OTUD5: variants seen among roughly 807,000 people sequenced by gnomAD.
The protein encoded by OTUD5 is OTU deubiquitinase 5, also known as OTU domain-containing protein 5.
In OTUD5, 2 loss-of-function variants were observed where a neutral mutation model predicts 36.3. The observed-to-expected ratio is 0.06, with a 90% confidence interval of 0.02 to 0.17. The LOEUF (loss-of-function observed/expected upper bound fraction) is 0.17, where lower values mean the gene tolerates loss of function less well. Ranked by LOEUF, OTUD5 falls within the 10% of genes least tolerant of loss-of-function variation. OTUD5 has a pLI of 1.00. For synonymous variants in OTUD5, 234 were observed against 214.9 expected (o/e 1.09, Z -0.78); for missense variants, 233 against 512.3 (o/e 0.45, Z 5.26).
At chrX:48,943,681 C>T (rs1436787191) in intron 2 of OTUD5, among the ~76,000 whole-genome samples, 1 of 111,362 alleles carries the variant, frequency 9.0e-6, no homozygotes, top group Non-Finnish European at 1.9e-5. Flanking sequence ...AACAGAGACC[C>T]GCAACACACC....
intron 1 of OTUD5, among the ~76,000 whole-genome samples, chrX:48,950,242 G>A (rs1419047398): frequency 9.0e-6 from 1 of 111,165 alleles, no homozygotes; most frequent in African/African-American, 3.3e-5. Flanking sequence ...TATCAGGTAG[G>A]ACCTAAATGC....
At chrX:48,935,592 C>T in intron 2 of OTUD5, among the ~76,000 whole-genome samples, 1 of 111,199 alleles carries the variant, frequency 9.0e-6, no homozygotes, top group African/African-American at 3.3e-5. Flanking sequence ...TGACCAGAGG[C>T]AAGTGACCCA....
Position 48,923,873 on chromosome X carries a change from T to C in OTUD5, c.1443A>G (p.Lys481=), listed in dbSNP as rs782106753. ...GACCTGGCGCACAGGGCGAAGGAGG[T>C]TTGGCAAGAGCTAAAACAGTGCCTG... ...PSPGTVLALA[K]PPSPCAPGTS... The change falls in exon 7 of 9, where the codon AAA becomes AAG. Residue 481 remains lysine, a synonymous_variant. Coordinates refer to ENST00000376488, the MANE Select transcript of OTUD5 (RefSeq NM_001136157.2). The C allele has an allele frequency of 9.1e-6, 11 of 1,210,088 alleles. No individual in the cohort carries two copies. The highest frequency in any genetic ancestry group is 8.7e-5 in the African/African-American group (5 of 57,245).
chrX:48,929,260 T>C (rs2063714701), intron 5 of OTUD5, among the ~76,000 whole-genome samples: 2 of 109,518 alleles, frequency 1.8e-5, no homozygotes, highest in Admixed American at 2.0e-4. Flanking sequence ...TGGTGGCGCG[T>C]GCCTGTAATC....
In OTUD5 at chrX:48,949,664, C is replaced by T. The variant is rs189866839; in HGVS notation, c.595-5381G>A. ...CTGCACTCCAGCCTGGGTGACACAGCGAGACTCCATCTCAAAAACAAATAA... is the reference window on the plus strand; with the variant it reads ...CTGCACTCCAGCCTGGGTGACACAGTGAGACTCCATCTCAAAAACAAATAA... On this transcript the variant is annotated intron_variant, in intron 1 of 8. Transcript: ENST00000376488. Among the ~76,000 whole-genome samples the T allele has an allele frequency of 2.6e-3, 275 of 107,805 alleles. 1 individual carries two copies. The highest frequency in any genetic ancestry group is 9.1e-3 in the African/African-American group (267 of 29,500). The allele number at this position is 107,805 out of a possible 115,157, so 93.6% of individuals were successfully genotyped here. A position where few individuals can be genotyped will look rare whatever the true frequency, so the allele number is the denominator to read the frequency against.
At chrX:48,953,364 A>G (rs1417735657) in intron 1 of OTUD5, among the ~76,000 whole-genome samples, 1 of 111,707 alleles carries the variant, frequency 9.0e-6, no homozygotes, top group East Asian at 2.8e-4. Flanking sequence ...GGAGCCAGGA[A>G]GAGAGGGGAG....
chrX:48,937,369 A>G (rs1319305141), intron 2 of OTUD5, among the ~76,000 whole-genome samples: 1 of 112,170 alleles, frequency 8.9e-6, no homozygotes, highest in African/African-American at 3.2e-5. Context: ...AAAGATGAGA[A>G]TGAAGGGGTT....
intron 1 of OTUD5, among the ~76,000 whole-genome samples, chrX:48,947,618 G>A (rs150913829): frequency 0.033 from 3,541 of 108,426 alleles, 154 homozygotes; most frequent in African/African-American, 0.11. Context: ...CAGGAGAATC[G>A]CTTGAACCCG....
chrX:48,929,653 A>ACT (rs1332984329), intron 5 of OTUD5, among the ~76,000 whole-genome samples: 1 of 107,618 alleles, frequency 9.3e-6, no homozygotes, highest in East Asian at 3.0e-4. Flanking sequence ...CCCAGGAGGT[A>ACT]GAGGCTGCGG....
rs61325018 is a variant in OTUD5 at position 48,942,299 on chromosome X, T to TACACACACACAC, written c.688+1879_688+1890dup. The stretch of plus-strand genomic sequence containing the variant: ...CACACACAGAGAACAGCTAGCTAGA[T>TACACACACACAC]ACACACACACACACACACACACACA... On this transcript the variant is annotated intron_variant, in intron 2 of 8. Coordinates refer to ENST00000376488, the MANE Select transcript of OTUD5 (RefSeq NM_001136157.2). Among the ~76,000 whole-genome samples the TACACACACACAC allele has an allele frequency of 7.8e-3, 430 of 55,012 alleles. 6 individuals are homozygous for TACACACACACAC. The highest frequency in any genetic ancestry group is 0.015 in the East Asian group (22 of 1,472). The allele number at this position is 55,012 out of a possible 115,157, so 47.8% of individuals were successfully genotyped here. A position where few individuals can be genotyped will look rare whatever the true frequency, so the allele number is the denominator to read the frequency against.
chrX:48,938,283 C>T (rs1259600069), intron 2 of OTUD5, among the ~76,000 whole-genome samples: 2 of 111,355 alleles, frequency 1.8e-5, no homozygotes, highest in Non-Finnish European at 3.8e-5. Context: ...ATCTCCAAAC[C>T]AAGGAAAACA....
Position 48,957,466 on chromosome X carries a change from A to G in OTUD5, c.105T>C (p.Gly35=). 1 of 892,919 alleles carries G rather than the reference A, an allele frequency of 1.1e-6. No individual in the cohort carries two copies. Among genetic ancestry groups the G allele is most frequent in the Non-Finnish European group, 1.4e-6 (1 of 724,507 alleles). 73.6% of individuals were successfully genotyped at this position (892,919 alleles called of 1,213,427 possible). A position where few individuals can be genotyped will look rare whatever the true frequency, so the allele number is the denominator to read the frequency against. The change falls in exon 1 of 9, where the codon GGT becomes GGC. Residue 35 remains glycine, a synonymous_variant. Transcript: ENST00000376488. The part of the protein sequence containing the change: ...PMPPAPRRGG[G]VGVGGGGTGV... Reference sequence around the variant, plus strand: ...CCGTGCCGCCGCCGCCCACGCCCACACCTCCGCCGCGCCGCGGCGCCGGGG... The same window carrying G: ...CCGTGCCGCCGCCGCCCACGCCCACGCCTCCGCCGCGCCGCGGCGCCGGGG...
chrX:48,923,522 T>C (rs2063614713), intron 8 of OTUD5, 111 bp downstream of exon 8: 3 of 628,045 alleles, frequency 4.8e-6, no homozygotes, highest in Non-Finnish European at 7.5e-6. Context: ...CTCCCTTCTT[T>C]TCTTGGGGAG....
chrX:48,944,952 G>GTAAGAGGTTGCGGTGAGC (rs2063997200), intron 1 of OTUD5, among the ~76,000 whole-genome samples: 1 of 109,877 alleles, frequency 9.1e-6, no homozygotes, highest in South Asian at 3.9e-4. Context: ...AACCCAGGAG[G>GTAAGAGGTTGCGGTGAGC]TAAGAGGTTG....
chrX:48,956,967 C>A lies in OTUD5; in HGVS notation c.594+10G>T. The A allele has an allele frequency of 1.7e-6, 2 of 1,148,885 alleles. No homozygotes were observed. 94.7% of individuals were successfully genotyped at this position (1,148,885 alleles called of 1,213,427 possible). On this transcript the variant is annotated intron_variant, in intron 1 of 8. Transcript: ENST00000376488. ...CCGTGGCCGCTCACCCCTCACCCCACAGCTCTTACCTGCTCGACAGTGGCA... is the reference window on the plus strand; with the variant it reads ...CCGTGGCCGCTCACCCCTCACCCCAAAGCTCTTACCTGCTCGACAGTGGCA...
intron 1 of OTUD5, among the ~76,000 whole-genome samples, chrX:48,945,727 G>C (rs1473670388): frequency 1.8e-5 from 2 of 111,001 alleles, no homozygotes; most frequent in Non-Finnish European, 3.8e-5. Flanking sequence ...GAGGTGTTAT[G>C]TAACACAAAG....
chrX:48,933,420 T>C (rs1226664760), intron 5 of OTUD5, among the ~76,000 whole-genome samples: 1 of 107,823 alleles, frequency 9.3e-6, no homozygotes, highest in Admixed American at 9.9e-5. Flanking sequence ...TTGTAACTTT[T>C]TTTTTTTTTT....
intron 1 of OTUD5, among the ~76,000 whole-genome samples, chrX:48,949,449 G>A (rs1332329917): frequency 3.6e-5 from 4 of 111,447 alleles, no homozygotes; most frequent in South Asian, 7.5e-4. Flanking sequence ...AGGCCGAGGC[G>A]GGTGGATCAC....
chrX:48,944,339 G>T, intron 1 of OTUD5, 56 bp from the exon 2 acceptor site: 1 of 804,532 alleles, frequency 1.2e-6, no homozygotes, highest in Middle Eastern at 3.9e-4. Context: ...CCTCCCCAGG[G>T]CCCCGACCTC....
Sources: allele counts gnomAD v4.1 joint callset (sites outside exome capture counted in the v4.1 genomes callset), GRCh38; gene constraint gnomAD v4.1.1; transcripts MANE v1.5; gene names NCBI Gene and HGNC (gene_info 2026-07-23, HGNC 2026-07-21).